The following GPC5 variants were observed in gnomAD, a reference collection of about 807,000 sequenced individuals.
GPC5 encodes glypican-5.
In GPC5, 47 loss-of-function variants were observed where a neutral mutation model predicts 53.9. That is an observed-to-expected ratio of 0.87 (90% confidence interval 0.69 to 1.11). GPC5 has a LOEUF of 1.11. Ranked by LOEUF, GPC5 falls within the 50% of genes most tolerant of loss-of-function variation. The pLI is 0.00. For missense variants in GPC5, 748 were observed against 713.1 expected (o/e 1.05, Z -0.56); for synonymous variants, 286 against 263.3 (o/e 1.09, Z -0.84).
At chr13:92,050,677 T>C (rs975129911) in intron 6 of GPC5, among the ~76,000 whole-genome samples, 2 of 152,200 alleles carry the variant, frequency 1.3e-5, no homozygotes, top group Admixed American at 6.5e-5. Context: ...AATGTGTAAT[T>C]TGAAACCTCA....
chr13:92,539,042 T>C (rs1156508525), intron 7 of GPC5, among the ~76,000 whole-genome samples: 1 of 142,438 alleles, frequency 7.0e-6, no homozygotes, highest in Non-Finnish European at 1.5e-5. Context: ...GAATGATTTA[T>C]AATCCTTTGG....
intron 7 of GPC5, among the ~76,000 whole-genome samples, chr13:92,667,729 C>G (rs934557679): frequency 6.6e-6 from 1 of 152,132 alleles, no homozygotes; most frequent in Non-Finnish European, 1.5e-5. Context: ...ACGCTTGACT[C>G]TTGATCACAT....
At chr13:92,817,819 T>C (rs888265867) in intron 7 of GPC5, among the ~76,000 whole-genome samples, 1 of 151,930 alleles carries the variant, frequency 6.6e-6, no homozygotes, top group African/African-American at 2.4e-5. Context: ...ACCACATTAG[T>C]TAATCATAAG....
chr13:92,485,581 C>T (rs879439862), intron 7 of GPC5, among the ~76,000 whole-genome samples: 1 of 152,236 alleles, frequency 6.6e-6, no homozygotes, highest in South Asian at 2.1e-4. Flanking sequence ...AGCAATAAAC[C>T]CCAAGTTGAT....
At chr13:92,806,664 G>C (rs1046552036) in intron 7 of GPC5, among the ~76,000 whole-genome samples, 1 of 152,026 alleles carries the variant, frequency 6.6e-6, no homozygotes, top group South Asian at 2.1e-4. Flanking sequence ...TCAGAAAATA[G>C]GGAAGCCTGA....
At chr13:91,966,991 T>C (rs1342624996) in intron 6 of GPC5, among the ~76,000 whole-genome samples, 1 of 152,228 alleles carries the variant, frequency 6.6e-6, no homozygotes, top group Non-Finnish European at 1.5e-5. Context: ...TTCCATATTG[T>C]ATTAGCATAC....
At chr13:92,301,342 T>A (rs1398710753) in intron 7 of GPC5, among the ~76,000 whole-genome samples, 1 of 152,120 alleles carries the variant, frequency 6.6e-6, no homozygotes, top group Non-Finnish European at 1.5e-5. Flanking sequence ...TGCCAAGACA[T>A]GAAAGAAGAT....
intron 1 of GPC5, among the ~76,000 whole-genome samples, chr13:91,437,787 C>T (rs1161265600): frequency 1.3e-5 from 2 of 152,220 alleles, no homozygotes; most frequent in Non-Finnish European, 2.9e-5. Context: ...CCGTCACTTT[C>T]AGGTACACCA....
intron 5 of GPC5, among the ~76,000 whole-genome samples, chr13:91,892,491 A>G (rs2039397266): frequency 6.6e-6 from 1 of 151,664 alleles, no homozygotes; most frequent in Non-Finnish European, 1.5e-5. Flanking sequence ...AAAACATTTC[A>G]TTTTTGATAC....
chr13:92,623,435 C>A (rs1364227666), intron 7 of GPC5, among the ~76,000 whole-genome samples: 3 of 152,186 alleles, frequency 2.0e-5, no homozygotes, highest in Non-Finnish European at 4.4e-5. Context: ...ACAGTATCAC[C>A]ACTTCCAAAC....
At chr13:92,522,743 T>G (rs947969709) in intron 7 of GPC5, among the ~76,000 whole-genome samples, 1 of 152,090 alleles carries the variant, frequency 6.6e-6, no homozygotes, top group Admixed American at 6.6e-5. Flanking sequence ...ATTGTGCACA[T>G]GTACCCTAGA....
At chr13:92,395,113 A>T (rs552091647) in intron 7 of GPC5, among the ~76,000 whole-genome samples, 1 of 152,272 alleles carries the variant, frequency 6.6e-6, no homozygotes, top group Admixed American at 6.5e-5. Context: ...TAGTACTTAA[A>T]GAAATTATTG....
chr13:91,846,374 C>T (rs1045738980), intron 5 of GPC5, among the ~76,000 whole-genome samples: 7 of 151,948 alleles, frequency 4.6e-5, no homozygotes, highest in Non-Finnish European at 8.8e-5. Flanking sequence ...ATTCTGCCAG[C>T]GTAACAATTT....
rs546811089 is a variant in GPC5 at position 91,495,670 on chromosome 13, C to G, written c.325+46748C>G. On this transcript the variant is annotated intron_variant, in intron 2 of 7. Coordinates refer to ENST00000377067, the MANE Select transcript of GPC5 (RefSeq NM_004466.6). ...CATCTTTTTGTAATGTCTTCTCTGT[C>G]TATTCTGTTTCAAATTGTATTCAGA... is the stretch of plus-strand genomic sequence containing the variant. Among the ~76,000 whole-genome samples, 5 of 152,326 alleles carry G rather than the reference C, an allele frequency of 3.3e-5. No homozygotes were observed. In the South Asian group the frequency reaches 1.0e-3, roughly 32 times the overall value.
rs888927309 is a variant in GPC5 at position 92,361,393 on chromosome 13, T to C, written c.1561+216404T>C. Among the ~76,000 whole-genome samples the C allele has an allele frequency of 2.0e-5, 3 of 151,840 alleles. No individual in the cohort carries two copies. The East Asian group carries it at 5.8e-4, about 29-fold the overall frequency. ...GCTTGTCACTGACTTGGCCTCCTAT[T>C]CTGGAAAGTTAAAAAGGTAGTTAAA... On this transcript the variant is annotated intron_variant, in intron 7 of 7. Coordinates refer to ENST00000377067, the MANE Select transcript of GPC5 (RefSeq NM_004466.6).
intron 5 of GPC5, among the ~76,000 whole-genome samples, chr13:91,792,683 T>C (rs2138751775): frequency 6.6e-6 from 1 of 152,330 alleles, no homozygotes; most frequent in Non-Finnish European, 1.5e-5. Flanking sequence ...CACTGTTAGG[T>C]TAGGTCAGCT....
intron 2 of GPC5, among the ~76,000 whole-genome samples, chr13:91,468,207 G>A (rs1336411808): frequency 6.6e-6 from 1 of 151,920 alleles, no homozygotes; most frequent in South Asian, 2.1e-4. Flanking sequence ...GAGATATGGT[G>A]CTCTCTAATA....
At chr13:92,159,703 C>T (rs953510209) in intron 7 of GPC5, among the ~76,000 whole-genome samples, 9 of 144,580 alleles carry the variant, frequency 6.2e-5, no homozygotes, top group Non-Finnish European at 1.2e-4. Context: ...CCCGGGTTCA[C>T]GCCATTCTCC....
intron 7 of GPC5, among the ~76,000 whole-genome samples, chr13:92,839,066 C>T (rs2138830747): frequency 6.6e-6 from 1 of 152,308 alleles, no homozygotes; most frequent in East Asian, 1.9e-4. Flanking sequence ...TTGGCAAGTG[C>T]CATTCAAATG....
Sources: allele counts gnomAD v4.1 joint callset (sites outside exome capture counted in the v4.1 genomes callset), GRCh38; gene constraint gnomAD v4.1.1; transcripts MANE v1.5; gene names NCBI Gene and HGNC (gene_info 2026-07-23, HGNC 2026-07-21).